SAMMSON: variants seen among roughly 807,000 people sequenced by gnomAD.
SAMMSON encodes the protein long intergenic non-protein coding RNA 1212.
intron 4 of SAMMSON, among the ~76,000 whole-genome samples, chr3:70,234,381 G>A (rs541916907): frequency 5.3e-5 from 8 of 152,294 alleles, no homozygotes; most frequent in African/African-American, 1.4e-4. Flanking sequence ...AGGCACAGTG[G>A]CTCATGCCTG....
intron 7 of SAMMSON, among the ~76,000 whole-genome samples, chr3:70,293,069 A>G (rs1702254305): frequency 7.0e-6 from 1 of 142,288 alleles, no homozygotes; most frequent in African/African-American, 2.6e-5. Context: ...AAAAAAAAAA[A>G]AAGTAGCATA....
intron 4 of SAMMSON, among the ~76,000 whole-genome samples, chr3:70,074,077 T>C (rs985214821): frequency 6.6e-6 from 1 of 151,972 alleles, no homozygotes; most frequent in African/African-American, 2.4e-5. Flanking sequence ...GTCTGTATTA[T>C]ACAACAGCTA....
chr3:70,226,328 A>T (rs1263096636), intron 4 of SAMMSON, among the ~76,000 whole-genome samples: 1 of 152,172 alleles, frequency 6.6e-6, no homozygotes, highest in Non-Finnish European at 1.5e-5. Context: ...ATGTGATGAG[A>T]CGTATAACAG....
chr3:70,371,651 T>C (rs1180404695), intron 9 of SAMMSON, among the ~76,000 whole-genome samples: 3 of 152,184 alleles, frequency 2.0e-5, no homozygotes, highest in East Asian at 1.9e-4. Flanking sequence ...TATTGTTGTG[T>C]AGAAATGCTA....
At chr3:70,303,655 T>C (rs937540823) in intron 7 of SAMMSON, among the ~76,000 whole-genome samples, 3 of 152,132 alleles carry the variant, frequency 2.0e-5, no homozygotes, top group Non-Finnish European at 4.4e-5. Context: ...ATTTTGAAAG[T>C]AATGTGCCAC....
intron 9 of SAMMSON, among the ~76,000 whole-genome samples, chr3:70,376,765 A>G (rs1306504450): frequency 6.6e-6 from 1 of 152,168 alleles, no homozygotes; most frequent in African/African-American, 2.4e-5. Context: ...AAGACCACCT[A>G]CAAATTTAGC....
intron 4 of SAMMSON, among the ~76,000 whole-genome samples, chr3:70,235,646 C>T (rs751309949): frequency 1.6e-4 from 25 of 152,110 alleles, no homozygotes; most frequent in Non-Finnish European, 3.2e-4. Context: ...TTCTCTATGA[C>T]CCCTTTGCTG....
At chr3:70,229,275 A>G (rs1188985022) in intron 4 of SAMMSON, among the ~76,000 whole-genome samples, 1 of 152,212 alleles carries the variant, frequency 6.6e-6, no homozygotes, top group Admixed American at 6.5e-5. Flanking sequence ...AGTGTGTGAA[A>G]GAATTTAGTG....
chr3:70,299,409 TTTCATA>T (rs1412538094), intron 7 of SAMMSON, among the ~76,000 whole-genome samples: 1 of 152,098 alleles, frequency 6.6e-6, no homozygotes, highest in Non-Finnish European at 1.5e-5. Flanking sequence ...TTTTTTCCAT[TTTCATA>T]TTCTAATTTT....
intron 7 of SAMMSON, among the ~76,000 whole-genome samples, chr3:70,331,162 C>A (rs1575627181): frequency 6.6e-6 from 1 of 152,164 alleles, no homozygotes; most frequent in East Asian, 1.9e-4. Flanking sequence ...CAAATCTCAT[C>A]CTATTTTTCA....
At chr3:70,140,394 A>G in intron 4 of SAMMSON, 1 of 200,788 alleles carries the variant, frequency 5.0e-6, no homozygotes, top group Non-Finnish European at 1.1e-5. Flanking sequence ...ATATCCTTCC[A>G]GTCACAAAGA....
intron 2 of SAMMSON, among the ~76,000 whole-genome samples, chr3:70,428,751 G>A (rs953054258): frequency 1.3e-5 from 2 of 151,962 alleles, no homozygotes; most frequent in African/African-American, 4.8e-5. Context: ...TCTAAAAGTG[G>A]GTTTATTTGT....
intron 7 of SAMMSON, among the ~76,000 whole-genome samples, chr3:70,332,332 C>A (rs1702626927): frequency 6.6e-6 from 1 of 152,106 alleles, no homozygotes. Flanking sequence ...AGGACTTCCC[C>A]GCTCCTGGTG....
At chr3:70,251,344 T>C (rs1488459381) in intron 6 of SAMMSON, among the ~76,000 whole-genome samples, 1 of 152,222 alleles carries the variant, frequency 6.6e-6, no homozygotes, top group Non-Finnish European at 1.5e-5. Context: ...TCTATGTTCA[T>C]TGTTCACCTA....
At chr3:70,146,948 T>C (rs145681411) in intron 4 of SAMMSON, among the ~76,000 whole-genome samples, 3 of 152,144 alleles carry the variant, frequency 2.0e-5, no homozygotes, top group African/African-American at 7.2e-5. Context: ...ATTTAAGATA[T>C]TCTCAGAAAT....
intron 7 of SAMMSON, among the ~76,000 whole-genome samples, chr3:70,329,704 G>A (rs1702606917): frequency 6.6e-6 from 1 of 151,506 alleles, no homozygotes; most frequent in South Asian, 2.1e-4. Context: ...ATATTATCTG[G>A]GACTAAAGAA....
chr3:70,293,575 G>T (rs561402520), intron 7 of SAMMSON, among the ~76,000 whole-genome samples: 9 of 152,046 alleles, frequency 5.9e-5, no homozygotes, highest in Non-Finnish European at 1.2e-4. Flanking sequence ...AAACATCTGT[G>T]CCTTACTTGG....
At chr3:70,212,545 T>C (rs954121220) in intron 4 of SAMMSON, among the ~76,000 whole-genome samples, 2 of 152,146 alleles carry the variant, frequency 1.3e-5, no homozygotes, top group African/African-American at 4.8e-5. Context: ...TGTCTGCTTT[T>C]TCATTTCCAT....
At chr3:70,058,712 G>A (rs888683648) in intron 3 of SAMMSON, among the ~76,000 whole-genome samples, 1 of 152,018 alleles carries the variant, frequency 6.6e-6, no homozygotes, top group African/African-American at 2.4e-5. Flanking sequence ...ACATTGTCTT[G>A]TTTGTTCCTC....
Sources: allele counts gnomAD v4.1 joint callset (sites outside exome capture counted in the v4.1 genomes callset), GRCh38; gene constraint gnomAD v4.1.1; transcripts MANE v1.5; gene names NCBI Gene and HGNC (gene_info 2026-07-23, HGNC 2026-07-21).